BAZ2B: variants seen among roughly 807,000 people sequenced by gnomAD.
The protein encoded by BAZ2B is bromodomain adjacent to zinc finger domain 2B.
BAZ2B carries 91 observed loss-of-function variants against 246.0 expected under a neutral mutation model. The ratio of observed to expected loss-of-function variants is 0.37; its 90% confidence interval spans 0.31 to 0.44. BAZ2B has a LOEUF of 0.44. BAZ2B is among the 20% of genes least tolerant of loss of function. The pLI is 1.00. For missense variants in BAZ2B, 2,332 were observed against 2,533.7 expected (o/e 0.92, Z 1.71); for synonymous variants, 855 against 860.0 (o/e 0.99, Z 0.10).
the BAZ2B span, among the ~76,000 whole-genome samples, chr2:159,639,541 T>C: frequency 2.6e-5 from 4 of 152,082 alleles, no homozygotes; most frequent in Non-Finnish European, 1.5e-5. Context: ...AGCAGGGAGA[T>C]GAACTTAAAG....
the BAZ2B span, among the ~76,000 whole-genome samples, chr2:159,643,223 T>G: frequency 1.2e-3 from 180 of 152,268 alleles, no homozygotes; most frequent in African/African-American, 3.8e-3. Flanking sequence ...CCCACAAAAT[T>G]TTTTTCTTAT....
intron 27 of BAZ2B, among the ~76,000 whole-genome samples, chr2:159,364,801 G>A (rs780698372): frequency 2.6e-5 from 4 of 152,180 alleles, no homozygotes; most frequent in Admixed American, 6.5e-5. Context: ...GTCGGCAGAC[G>A]TTGTGTGACA....
intron 2 of BAZ2B, among the ~76,000 whole-genome samples, chr2:159,546,318 C>T (rs1274242630): frequency 1.3e-5 from 2 of 151,664 alleles, no homozygotes; most frequent in Non-Finnish European, 2.9e-5. Context: ...ACGGGAGTTT[C>T]CTTGCACAAG....
intron 31 of BAZ2B, among the ~76,000 whole-genome samples, chr2:159,342,267 T>C (rs535906918): frequency 6.6e-6 from 1 of 152,296 alleles, no homozygotes; most frequent in South Asian, 2.1e-4. Context: ...ACAGATTCAA[T>C]GCTATTCCTA....
At chr2:159,431,630 C>T (rs1346421626) in intron 9 of BAZ2B, among the ~76,000 whole-genome samples, 1 of 152,150 alleles carries the variant, frequency 6.6e-6, no homozygotes, top group Admixed American at 6.6e-5. Flanking sequence ...CTTTTGGCTG[C>T]AGTTTTTCTA....
At chr2:159,493,094 A>C (rs1345307291) in intron 2 of BAZ2B, among the ~76,000 whole-genome samples, 1 of 152,196 alleles carries the variant, frequency 6.6e-6, no homozygotes, top group Non-Finnish European at 1.5e-5. Flanking sequence ...ACACAAAATC[A>C]GGTCCACTCA....
intron 3 of BAZ2B, among the ~76,000 whole-genome samples, chr2:159,475,828 A>G (rs1228435841): frequency 3.3e-5 from 5 of 152,128 alleles, no homozygotes; most frequent in Non-Finnish European, 7.4e-5. Context: ...GGTCTGCTGG[A>G]GGTCCACTCA....
the BAZ2B span, among the ~76,000 whole-genome samples, chr2:159,631,888 G>A: frequency 6.6e-6 from 1 of 150,916 alleles, no homozygotes; most frequent in Non-Finnish European, 1.5e-5. Context: ...ACATGTATGT[G>A]TATATATATA....
At position 159,346,545 on chromosome 2, in the gene BAZ2B, A is replaced by G. The variant is rs564839709; in HGVS notation, c.5454+941T>C. Among the ~76,000 whole-genome samples, 16 of 152,226 alleles carry G rather than the reference A, an allele frequency of 1.1e-4. No homozygotes were observed. The South Asian group carries it at 2.9e-3, about 28-fold the overall frequency. The stretch of plus-strand genomic sequence containing the variant: ...CGTGGCAAAACCCCATCTCTACTAA[A>G]AATACAAAAATTAGTGGGGCATCAC... On this transcript the variant is annotated intron_variant, in intron 31 of 36. Coordinates refer to ENST00000392783, the MANE Select transcript of BAZ2B (RefSeq NM_013450.4).
chr2:159,470,558 G>A (rs546333909), intron 3 of BAZ2B, among the ~76,000 whole-genome samples: 2 of 152,350 alleles, frequency 1.3e-5, no homozygotes, highest in South Asian at 4.1e-4. Flanking sequence ...AAGCATAGAA[G>A]TGGAGAGCCA....
chr2:159,375,269 G>C (rs1188662751), intron 25 of BAZ2B, among the ~76,000 whole-genome samples: 1 of 152,108 alleles, frequency 6.6e-6, no homozygotes, highest in Non-Finnish European at 1.5e-5. Flanking sequence ...AAGTATAAGG[G>C]TCTCAAAGAG....
At position 159,347,583 on chromosome 2, in the gene BAZ2B, C is replaced by G. The variant is rs1205012338; in HGVS notation, c.5357G>C (p.Trp1786Ser). 6.2e-7 allele frequency: 1 copy of G among 1,612,968 alleles called. No homozygotes were observed. The highest frequency in any genetic ancestry group is 8.5e-7 in the Non-Finnish European group (1 of 1,179,184). Residue 1786 changes from tryptophan to serine, a missense_variant, in exon 31 of 37, where the codon TGG becomes TCG. Around this residue, in one of 9 missense-constraint regions of BAZ2B, gnomAD observed 676 missense variants for 668.6 expected, o/e 1.01. Transcript: ENST00000392783. ...NQVTRDIVEN[W>S]SVEEQAMEMD... ...TTCCATTGCTTGTTCTTCTACTGACCAGTTCTCCACAATATCTCGAGTTAC... is the reference window on the plus strand; with the variant it reads ...TTCCATTGCTTGTTCTTCTACTGACGAGTTCTCCACAATATCTCGAGTTAC...
the BAZ2B span, among the ~76,000 whole-genome samples, chr2:159,672,809 T>G: frequency 6.6e-6 from 1 of 152,176 alleles, no homozygotes; most frequent in South Asian, 2.1e-4. Context: ...AGATAGCTAT[T>G]TGGAAAATGA....
rs539331174 is a variant in BAZ2B, at chr2:159,548,066, T to C, written c.-3+7757A>G. On this transcript the variant is annotated intron_variant, in intron 2 of 36. Transcript: ENST00000392783. ...GGGTTTCTTTCATCCAAATATACATTTAGGAATAGCAATGGGAAATAGATT... is the reference window on the plus strand; with the variant it reads ...GGGTTTCTTTCATCCAAATATACATCTAGGAATAGCAATGGGAAATAGATT... Among the ~76,000 whole-genome samples the C allele has an allele frequency of 4.6e-5, 7 of 152,186 alleles. No homozygotes were observed. In the South Asian group the frequency reaches 1.2e-3, roughly 27 times the overall value.
At chr2:159,670,484 T>A in the BAZ2B span, among the ~76,000 whole-genome samples, 11,043 of 152,174 alleles carry the variant, frequency 0.073, 512 homozygotes, top group East Asian at 0.14. Flanking sequence ...ATAGGTCCCT[T>A]TAATCACCTG....
At position 159,446,850 on chromosome 2, in the gene BAZ2B, G is replaced by T. The variant is rs780189423; in HGVS notation, c.628C>A (p.Arg210=). 1 of 1,613,344 alleles carries T rather than the reference G, an allele frequency of 6.2e-7. No homozygotes were observed. The highest frequency in any genetic ancestry group is 1.1e-5 in the South Asian group (1 of 91,018). Residue 210 remains arginine (R), a synonymous_variant, in exon 6 of 37, where the codon CGA becomes AGA. Coordinates refer to ENST00000392783, the MANE Select transcript of BAZ2B (RefSeq NM_013450.4). ...TKSTSSGGGN[R]KCNQEQSKNQ... ...TTGCTTTGTTCCTGATTACATTTTC[G>T]ATTTCCTCCACCTGAGCTTGTACTT... is the stretch of plus-strand genomic sequence containing the variant.
intron 6 of BAZ2B, chr2:159,444,542 T>C (rs1481218338): frequency 1.3e-5 from 2 of 152,240 alleles, no homozygotes; most frequent in African/African-American, 4.8e-5. Context: ...ATTTGTTCAG[T>C]TCTGTTTCAT....
At position 159,395,768 on chromosome 2, in the gene BAZ2B, C is replaced by T. The variant is rs2149674650; in HGVS notation, c.3075+1G>A. The T allele has an allele frequency of 6.2e-7, 1 of 1,606,672 alleles. No homozygotes were observed. Among genetic ancestry groups the T allele is most frequent in the South Asian group, 1.1e-5 (1 of 90,448 alleles). ...ATATTTTTCTAGAAACATACACTTA[C>T]TTCTGCTTTTTTACGAGCTTCCATA... On this transcript the variant is annotated splice_donor_variant, in intron 20 of 36. Transcript: ENST00000392783. LOFTEE classifies it high-confidence loss of function.
intron 27 of BAZ2B, among the ~76,000 whole-genome samples, chr2:159,351,863 C>A (rs1438755388): frequency 6.6e-6 from 1 of 152,206 alleles, no homozygotes; most frequent in Non-Finnish European, 1.5e-5. Flanking sequence ...AATATTCAGT[C>A]ATGAAGGGTA....
Sources: gnomAD v4.1 joint callset for allele counts (sites outside exome capture counted in the v4.1 genomes callset) on GRCh38, gnomAD v4.1.1 for gene constraint, gnomAD v4.1.1 regional missense constraint, MANE v1.5 for transcripts, NCBI Gene and HGNC (gene_info 2026-07-23, HGNC 2026-07-21) for gene names.